PRKG1: variants seen among roughly 807,000 people sequenced by gnomAD.
PRKG1 encodes protein kinase cGMP-dependent 1.
PRKG1 carries 35 observed loss-of-function variants against 88.1 expected under a neutral mutation model. The ratio of observed to expected loss-of-function variants is 0.40; its 90% CI spans 0.30 to 0.53. The LOEUF is 0.53. Ranked by LOEUF, PRKG1 falls within the 20% of genes least tolerant of loss-of-function variation. The probability of loss-of-function intolerance (pLI) is 0.59; values close to 1 mark genes in which losing one functional copy is unlikely to be tolerated. For missense variants in PRKG1, 540 were observed against 839.8 expected (o/e 0.64, Z 4.41); for synonymous variants, 303 against 292.5 (o/e 1.04, Z -0.37).
intron 2 of PRKG1, among the ~76,000 whole-genome samples, chr10:51,440,652 T>TTATAAATTC (rs1839075782): frequency 6.6e-6 from 1 of 151,954 alleles, no homozygotes; most frequent in African/African-American, 2.4e-5. Context: ...TTTGTGATCA[T>TTATAAATTC]TATAAATTCT....
In PRKG1 at chr10:51,329,654, T is replaced by G. The variant is rs571378440; in HGVS notation, c.479-138069T>G. 2.0e-3 allele frequency among the ~76,000 whole-genome samples: 300 copies of G among 152,332 alleles called. 1 individual carries two copies. Among genetic ancestry groups the G allele is most frequent in the African/African-American group, 7.0e-3 (293 of 41,596 alleles). ...CAACTTTTGTTTTTCTGAAAATGTC[T>G]TTAATTCTCCTTCATTTCTGAAGGA... On this transcript the variant is annotated intron_variant, in intron 2 of 17. Transcript: ENST00000373980.
rs139101931 is a variant in PRKG1 at position 51,088,518 on chromosome 10, G to A, written c.311+13617G>A. On this transcript the variant is annotated intron_variant, in intron 1 of 17. Transcript: ENST00000373980. ...ATTTAATATCTGAAAATCAGTGGTT[G>A]TAGGTTATATGCTAAAAAAGACACT... 5.2e-4 allele frequency among the ~76,000 whole-genome samples: 79 copies of A among 151,284 alleles called. 1 individual carries two copies. Among genetic ancestry groups the A allele is most frequent in the East Asian group, 4.7e-3 (24 of 5,082 alleles).
At chr10:51,027,514 T>TTA (rs1334858833) in intron 1 of PRKG1, among the ~76,000 whole-genome samples, 2 of 152,136 alleles carry the variant, frequency 1.3e-5, no homozygotes, top group East Asian at 3.8e-4. Context: ...CAACATTAAC[T>TTA]TAAGTTTTGT....
At chr10:51,514,989 A>G (rs1434775756) in intron 3 of PRKG1, among the ~76,000 whole-genome samples, 1 of 152,140 alleles carries the variant, frequency 6.6e-6, no homozygotes, top group Admixed American at 6.6e-5. Context: ...TCTACCCAAC[A>G]GATGTCAGTA....
chr10:52,157,306 G>GAGATATATATATATATATAT (rs1289803162), intron 8 of PRKG1, among the ~76,000 whole-genome samples: 47 of 125,892 alleles, frequency 3.7e-4, no homozygotes, highest in East Asian at 1.3e-3. Flanking sequence ...TGAGTTAGTT[G>GAGATATATATATATATATAT]ATATATATAT....
At chr10:52,207,119 G>A (rs993539386) in intron 9 of PRKG1, among the ~76,000 whole-genome samples, 2 of 152,242 alleles carry the variant, frequency 1.3e-5, no homozygotes, top group African/African-American at 4.8e-5. Flanking sequence ...GCTGTGGAAT[G>A]TGCTCATGTT....
In PRKG1 at chr10:51,149,356, G is replaced by A. The variant is rs186550010; in HGVS notation, c.312-3808G>A. ...ACTAATGGGGGCCTATTTATTAACA[G>A]TGAATAGTGCTGGCTCCCTTATTTG... On this transcript the variant is annotated intron_variant, in intron 1 of 17. Coordinates refer to ENST00000373980, the MANE Select transcript of PRKG1 (RefSeq NM_006258.4). 4.1e-4 allele frequency among the ~76,000 whole-genome samples: 63 copies of A among 152,160 alleles called. No individual in the cohort carries two copies. In the East Asian group the frequency reaches 9.8e-3, roughly 24 times the overall value.
chr10:51,535,920 A>G (rs1365696602), intron 3 of PRKG1, among the ~76,000 whole-genome samples: 1 of 151,890 alleles, frequency 6.6e-6, no homozygotes, highest in Non-Finnish European at 1.5e-5. Context: ...AGGGGGTTTC[A>G]CCATATTGGT....
chr10:52,227,325 C>T (rs1840412063), intron 9 of PRKG1, among the ~76,000 whole-genome samples: 1 of 152,028 alleles, frequency 6.6e-6, no homozygotes, highest in Admixed American at 6.5e-5. Flanking sequence ...TAGTCAATCC[C>T]CTGTATCCTT....
At chr10:51,112,792 T>C (rs528873423) in intron 1 of PRKG1, among the ~76,000 whole-genome samples, 11 of 152,202 alleles carry the variant, frequency 7.2e-5, no homozygotes, top group Non-Finnish European at 1.6e-4. Context: ...ATGTCCATAA[T>C]GTTATGAGTT....
At chr10:51,722,400 A>G (rs926184590) in intron 3 of PRKG1, among the ~76,000 whole-genome samples, 1 of 151,966 alleles carries the variant, frequency 6.6e-6, no homozygotes, top group Admixed American at 6.6e-5. Flanking sequence ...AACATAAAAC[A>G]CCATTCCTGT....
At chr10:51,534,937 A>G (rs1168367869) in intron 3 of PRKG1, among the ~76,000 whole-genome samples, 1 of 152,164 alleles carries the variant, frequency 6.6e-6, no homozygotes, top group Non-Finnish European at 1.5e-5. Flanking sequence ...CTGTAAATCA[A>G]TATCATGCCA....
chr10:51,842,706 C>T (rs1214959124), intron 4 of PRKG1, among the ~76,000 whole-genome samples: 2 of 152,000 alleles, frequency 1.3e-5, no homozygotes, highest in African/African-American at 2.4e-5. Flanking sequence ...TATGTATATT[C>T]ATATATATGA....
chr10:51,659,601 G>A (rs1175815584), intron 3 of PRKG1, among the ~76,000 whole-genome samples: 2 of 152,074 alleles, frequency 1.3e-5, no homozygotes, highest in Non-Finnish European at 1.5e-5. Context: ...AGCTATCTCC[G>A]TGCACAGTAT....
chr10:51,269,011 T>A (rs940109951), intron 2 of PRKG1, among the ~76,000 whole-genome samples: 3 of 152,034 alleles, frequency 2.0e-5, no homozygotes, highest in Non-Finnish European at 1.5e-5. Context: ...TTCAAGGAAC[T>A]CAAAGAAATC....
Position 51,295,769 on chromosome 10 carries a change from A to C in PRKG1, c.478+142439A>C, listed in dbSNP as rs192614915. Among the ~76,000 whole-genome samples, 152 of 152,254 alleles carry C rather than the reference A, an allele frequency of 1.0e-3. 2 individuals carry two copies. In the East Asian group the frequency reaches 0.024, roughly 24 times the overall value. On this transcript the variant is annotated intron_variant, in intron 2 of 17. Transcript: ENST00000373980. ...ATCTTATACCAGAAATTAAAGAAAA[A>C]CTTTCAGTTTTCCTCAATGATTATT...
chr10:51,647,541 G>A (rs901510366), intron 3 of PRKG1, among the ~76,000 whole-genome samples: 4 of 152,160 alleles, frequency 2.6e-5, no homozygotes, highest in Non-Finnish European at 5.9e-5. Flanking sequence ...TCATATAAAA[G>A]CAGAGCTGGG....
At chr10:51,721,524 C>G (rs375729193) in intron 3 of PRKG1, among the ~76,000 whole-genome samples, 23 of 152,258 alleles carry the variant, frequency 1.5e-4, no homozygotes, top group African/African-American at 5.5e-4. Context: ...CGGTGGAAAT[C>G]CACGTTATTC....
At chr10:51,795,879 A>T (rs1838997814) in intron 3 of PRKG1, among the ~76,000 whole-genome samples, 1 of 152,080 alleles carries the variant, frequency 6.6e-6, no homozygotes, top group African/African-American at 2.4e-5. Flanking sequence ...AAACATTTTA[A>T]ATGAGACTTA....
Sources: allele counts gnomAD v4.1 joint callset (sites outside exome capture counted in the v4.1 genomes callset), GRCh38; gene constraint gnomAD v4.1.1; transcripts MANE v1.5; gene names NCBI Gene and HGNC (gene_info 2026-07-23, HGNC 2026-07-21).